RAB2A: variants seen among roughly 807,000 people sequenced by gnomAD.
RAB2A encodes ras-related protein Rab-2A.
In RAB2A, 7 loss-of-function variants were observed where a neutral mutation model predicts 32.5. That is an observed-to-expected ratio of 0.22 (90% CI 0.12 to 0.40). RAB2A has a LOEUF of 0.40. Among genes scored for constraint, RAB2A ranks in the 10% least tolerant of loss-of-function variants. The probability of loss-of-function intolerance (pLI) is 1.00; values close to 1 mark genes in which losing one functional copy is unlikely to be tolerated. For synonymous variants in RAB2A, 79 were observed against 85.2 expected (o/e 0.93, Z 0.40); for missense variants, 108 against 260.7 (o/e 0.41, Z 4.03).
intron 1 of RAB2A, among the ~76,000 whole-genome samples, chr8:60,543,654 C>A (rs1443298489): frequency 6.6e-6 from 1 of 152,142 alleles, no homozygotes; most frequent in African/African-American, 2.4e-5. Context: ...CTACAGTAAA[C>A]CGCCAGAGAG....
At position 60,588,701 on chromosome 8, in the gene RAB2A, T is replaced by G. The variant is rs561218399; in HGVS notation, c.363-3157T>G. ...CAAGAAGGGATGGATTACAATGGAG[T>G]ATGAGGAAACTTTTGGGAGACTGAT... is the stretch of plus-strand genomic sequence containing the variant. On this transcript the variant is annotated intron_variant, in intron 5 of 7. Coordinates refer to ENST00000262646, the MANE Select transcript of RAB2A (RefSeq NM_002865.3). Among the ~76,000 whole-genome samples the G allele has an allele frequency of 3.3e-5, 5 of 152,100 alleles. No individual in the cohort carries two copies. In the South Asian group the frequency reaches 1.0e-3, roughly 32 times the overall value.
At chr8:60,610,916 C>T (rs779464078) in intron 6 of RAB2A, among the ~76,000 whole-genome samples, 1 of 152,182 alleles carries the variant, frequency 6.6e-6, no homozygotes, top group Non-Finnish European at 1.5e-5. Flanking sequence ...ATTAGAATTC[C>T]ACGTGTCTAA....
At chr8:60,561,080 AT>A (rs1808017904) in intron 2 of RAB2A, among the ~76,000 whole-genome samples, 1 of 152,174 alleles carries the variant, frequency 6.6e-6, no homozygotes, top group Non-Finnish European at 1.5e-5. Flanking sequence ...GCAGGCCCAA[AT>A]GGTCTGGTTC....
chr8:60,584,841 A>G (rs753766282), intron 5 of RAB2A, 26 bp downstream of exon 5: 6 of 1,514,344 alleles, frequency 4.0e-6, no homozygotes, highest in East Asian at 2.3e-5. Flanking sequence ...TAGAGCTTAC[A>G]TTGCATTAGT....
chr8:60,609,603 T>C (rs1173640590), intron 6 of RAB2A, among the ~76,000 whole-genome samples: 1 of 152,198 alleles, frequency 6.6e-6, no homozygotes, highest in Non-Finnish European at 1.5e-5. Context: ...GTCCCATTTG[T>C]TACATGTAGG....
chr8:60,593,866 A>C (rs1329946972), intron 6 of RAB2A, among the ~76,000 whole-genome samples: 2 of 152,172 alleles, frequency 1.3e-5, no homozygotes, highest in African/African-American at 4.8e-5. Context: ...TTAGCAAACA[A>C]ACAATCTGAG....
intron 6 of RAB2A, among the ~76,000 whole-genome samples, chr8:60,608,058 G>C (rs1210897900): frequency 6.6e-6 from 1 of 151,980 alleles, no homozygotes; most frequent in African/African-American, 2.4e-5. Context: ...AGGTCATCCT[G>C]GTCTTCCTAA....
intron 3 of RAB2A, among the ~76,000 whole-genome samples, chr8:60,577,548 G>A (rs1288692066): frequency 2.6e-5 from 4 of 152,006 alleles, no homozygotes; most frequent in Admixed American, 1.3e-4. Context: ...ACTGTCACCT[G>A]GAATAGAAGT....
intron 1 of RAB2A, among the ~76,000 whole-genome samples, chr8:60,556,858 C>T (rs1234717733): frequency 3.9e-5 from 6 of 152,058 alleles, no homozygotes; most frequent in African/African-American, 1.4e-4. Flanking sequence ...TTCTTGAAGT[C>T]TCTCAAGAAA....
chr8:60,570,931 C>G (rs919750585), intron 2 of RAB2A, among the ~76,000 whole-genome samples: 1 of 152,158 alleles, frequency 6.6e-6, no homozygotes, highest in Non-Finnish European at 1.5e-5. Flanking sequence ...GTTTTTCTGA[C>G]AGGATGACAT....
chr8:60,605,403 A>C (rs186967998), intron 6 of RAB2A, among the ~76,000 whole-genome samples: 86 of 152,338 alleles, frequency 5.6e-4, no homozygotes, highest in African/African-American at 2.0e-3. Flanking sequence ...TAGAGTCCCC[A>C]CTGGGGCACC....
intron 1 of RAB2A, among the ~76,000 whole-genome samples, chr8:60,547,549 G>A (rs530771116): frequency 6.6e-6 from 1 of 150,608 alleles, no homozygotes; most frequent in South Asian, 2.1e-4. Flanking sequence ...CCTCCCTCCT[G>A]GATGGGGCGG....
chr8:60,557,284 G>A (rs1404337400), intron 1 of RAB2A, among the ~76,000 whole-genome samples: 1 of 152,156 alleles, frequency 6.6e-6, no homozygotes, highest in Non-Finnish European at 1.5e-5. Context: ...GGGACGCCGA[G>A]GGGGATGGAT....
chr8:60,550,539 T>C (rs1807829965), intron 1 of RAB2A, among the ~76,000 whole-genome samples: 1 of 151,986 alleles, frequency 6.6e-6, no homozygotes, highest in Admixed American at 6.6e-5. Context: ...TGCACCACCA[T>C]GCCTGGCTAA....
Position 60,598,937 on chromosome 8 carries a change from C to CAAAAAAAAAAAAAAAAAAAAA in RAB2A, c.474+6977_474+6997dup, listed in dbSNP as rs56406651. Among the ~76,000 whole-genome samples the CAAAAAAAAAAAAAAAAAAAAA allele has an allele frequency of 3.5e-4, 14 of 40,384 alleles. 1 individual carries two copies. Among genetic ancestry groups the CAAAAAAAAAAAAAAAAAAAAA allele is most frequent in the East Asian group, 8.5e-4 (1 of 1,182 alleles). The allele number at this position is 40,384 out of a possible 152,430, so 26.5% of individuals were successfully genotyped here. A position where few individuals can be genotyped will look rare whatever the true frequency, so the allele number is the denominator to read the frequency against. ...GGAAGTTCTAGCCAGTGCAGTAAAG[C>CAAAAAAAAAAAAAAAAAAAAA]AAAAAAAAAAAAAAAAAAAAAAAAA... On this transcript the variant is annotated intron_variant, in intron 6 of 7. Coordinates refer to ENST00000262646, the MANE Select transcript of RAB2A (RefSeq NM_002865.3).
intron 1 of RAB2A, among the ~76,000 whole-genome samples, chr8:60,539,380 A>C (rs567253360): frequency 3.3e-5 from 5 of 152,180 alleles, no homozygotes; most frequent in Admixed American, 2.0e-4. Context: ...TTTATTACAT[A>C]TTATCTCTTT....
At chr8:60,541,776 A>G (rs1053009427) in intron 1 of RAB2A, among the ~76,000 whole-genome samples, 1 of 152,206 alleles carries the variant, frequency 6.6e-6, no homozygotes, top group East Asian at 1.9e-4. Context: ...TTTAAGGTCT[A>G]GGCCTTCAGT....
At chr8:60,583,260 T>C (rs977275946) in intron 3 of RAB2A, among the ~76,000 whole-genome samples, 3 of 152,190 alleles carry the variant, frequency 2.0e-5, no homozygotes, top group Non-Finnish European at 4.4e-5. Flanking sequence ...AAAATTGGCT[T>C]TACGTTTACT....
chr8:60,600,689 A>G (rs1804119674), intron 6 of RAB2A, among the ~76,000 whole-genome samples: 1 of 152,208 alleles, frequency 6.6e-6, no homozygotes, highest in Non-Finnish European at 1.5e-5. Context: ...TAGTGGCTGC[A>G]TGGTTACAGT....
Sources: gnomAD v4.1 joint callset for allele counts (sites outside exome capture counted in the v4.1 genomes callset) on GRCh38, gnomAD v4.1.1 for gene constraint, MANE v1.5 for transcripts, NCBI Gene and HGNC (gene_info 2026-07-23, HGNC 2026-07-21) for gene names.